LARGE1: variants seen among roughly 807,000 people sequenced by gnomAD.
LARGE1 encodes the protein LARGE xylosyl- and glucuronyltransferase 1.
In LARGE1, 43 loss-of-function variants were observed where a neutral mutation model predicts 87.6. The ratio of observed to expected loss-of-function variants is 0.49; its 90% confidence interval spans 0.38 to 0.63. LARGE1 has a LOEUF of 0.63. Ranked by LOEUF, LARGE1 falls within the 30% of genes least tolerant of loss-of-function variation. LARGE1 has a pLI of 0.00. For synonymous variants in LARGE1, 434 were observed against 394.6 expected, an observed-to-expected ratio of 1.10 and a Z score of -1.18; for missense variants, 802 against 1,000.2, an observed-to-expected ratio of 0.80 and a Z score of 2.67.
chr22:33,278,401 T>G (rs1602207377), intron 13 of LARGE1, among the ~76,000 whole-genome samples: 1 of 152,312 alleles, frequency 6.6e-6, no homozygotes, highest in South Asian at 2.1e-4. Flanking sequence ...CCCTAGAGAC[T>G]GTGAGATCAC....
chr22:33,731,417 T>A (rs993442743), intron 2 of LARGE1, among the ~76,000 whole-genome samples: 1 of 152,192 alleles, frequency 6.6e-6, no homozygotes. Flanking sequence ...CTAGTTGTAT[T>A]CGTCAGAGCT....
intron 5 of LARGE1, among the ~76,000 whole-genome samples, chr22:33,570,669 A>C (rs1255697764): frequency 3.2e-5 from 4 of 125,616 alleles, no homozygotes; most frequent in Non-Finnish European, 6.9e-5. Flanking sequence ...AAAAAAAAAA[A>C]ATCACAAGCT....
chr22:33,235,591 G>T (rs921688768), intron 11 of LARGE1, among the ~76,000 whole-genome samples: 1 of 152,182 alleles, frequency 6.6e-6, no homozygotes, highest in Admixed American at 6.5e-5. Flanking sequence ...GGCAAGTGAT[G>T]GTAGCTGTTA....
chr22:33,537,813 C>A (rs1267145101), intron 6 of LARGE1, among the ~76,000 whole-genome samples: 1 of 152,200 alleles, frequency 6.6e-6, no homozygotes, highest in Middle Eastern at 3.4e-3. Flanking sequence ...CCTCGTGATC[C>A]ACCCGCCTCG....
chr22:33,612,324 G>T (rs951644316), intron 4 of LARGE1, among the ~76,000 whole-genome samples: 4 of 152,128 alleles, frequency 2.6e-5, no homozygotes, highest in Admixed American at 6.5e-5. Flanking sequence ...GGCTGGTCTT[G>T]AACTCTTGAC....
chr22:33,599,443 G>A (rs2079060406), intron 5 of LARGE1, among the ~76,000 whole-genome samples: 1 of 152,148 alleles, frequency 6.6e-6, no homozygotes, highest in African/African-American at 2.4e-5. Flanking sequence ...AGTCCTGGTA[G>A]CCTGTTGGTA....
chr22:33,322,099 A>G (rs552168249), intron 10 of LARGE1, among the ~76,000 whole-genome samples: 1 of 152,180 alleles, frequency 6.6e-6, no homozygotes, highest in Non-Finnish European at 1.5e-5. Context: ...GATTACGGGC[A>G]TGAGCTACTG....
downstream of LARGE1, among the ~76,000 whole-genome samples, chr22:33,270,178 T>C (rs1928171207): frequency 6.6e-6 from 1 of 152,166 alleles, no homozygotes; most frequent in Non-Finnish European, 1.5e-5. Context: ...TTTTGTTAAA[T>C]GAATGGAAAC....
At chr22:33,581,124 C>T (rs1170343331) in intron 5 of LARGE1, among the ~76,000 whole-genome samples, 1 of 152,126 alleles carries the variant, frequency 6.6e-6, no homozygotes, top group East Asian at 1.9e-4. Flanking sequence ...GGGATTCATA[C>T]CTCTATTTTA....
chr22:33,577,263 C>T (rs750420708), intron 5 of LARGE1, among the ~76,000 whole-genome samples: 1 of 152,070 alleles, frequency 6.6e-6, no homozygotes, highest in South Asian at 2.1e-4. Flanking sequence ...TAAAAAGGCA[C>T]ATAGGAGAGG....
intron 1 of LARGE1, among the ~76,000 whole-genome samples, chr22:33,844,867 C>T (rs1007030897): frequency 3.2e-4 from 49 of 151,680 alleles, no homozygotes; most frequent in South Asian, 1.5e-3. Flanking sequence ...ATTACAGGCA[C>T]GCACCACCAT....
At chr22:33,849,413 T>C (rs2253085) in intron 1 of LARGE1, among the ~76,000 whole-genome samples, 60,680 of 151,642 alleles carry the variant, frequency 0.4, 12,217 homozygotes, top group Admixed American at 0.51. Flanking sequence ...ACGAATGCTA[T>C]AGGGTGAGGG....
intron 1 of LARGE1, among the ~76,000 whole-genome samples, chr22:33,910,418 C>T (rs112279893): frequency 1.5e-4 from 23 of 152,124 alleles, no homozygotes; most frequent in African/African-American, 5.6e-4. Context: ...TTTGGTGACG[C>T]CTCCTCCTAC....
intron 1 of LARGE1, among the ~76,000 whole-genome samples, chr22:33,849,918 C>T (rs986279491): frequency 6.6e-6 from 1 of 152,044 alleles, no homozygotes; most frequent in African/African-American, 2.4e-5. Context: ...GTTCTTATTA[C>T]AATACTAAGG....
intron 9 of LARGE1, among the ~76,000 whole-genome samples, chr22:33,370,355 T>A (rs1370571482): frequency 6.6e-6 from 1 of 152,200 alleles, no homozygotes; most frequent in African/African-American, 2.4e-5. Flanking sequence ...AGATTTTGTT[T>A]TTCTTATACA....
At chr22:33,226,913 TAG>T (rs2088535426) in intron 11 of LARGE1, among the ~76,000 whole-genome samples, 1 of 152,056 alleles carries the variant, frequency 6.6e-6, no homozygotes, top group Non-Finnish European at 1.5e-5. Flanking sequence ...GTATTTTTAG[TAG>T]AGACGGGGTT....
intron 5 of LARGE1, among the ~76,000 whole-genome samples, chr22:33,569,662 C>T (rs1381746749): frequency 6.6e-6 from 1 of 152,160 alleles, no homozygotes; most frequent in African/African-American, 2.4e-5. Context: ...CATCCACATT[C>T]TCCCCCTCTT....
At chr22:33,788,535 G>A (rs533195111) in intron 1 of LARGE1, among the ~76,000 whole-genome samples, 2 of 152,302 alleles carry the variant, frequency 1.3e-5, no homozygotes, top group African/African-American at 4.8e-5. Context: ...GGAAGATGTG[G>A]GAAGTTTTGA....
chr22:33,915,050 G>GAC, intron 1 of LARGE1, among the ~76,000 whole-genome samples: 1 of 148,898 alleles, frequency 6.7e-6, no homozygotes, highest in Non-Finnish European at 1.5e-5. Flanking sequence ...CACAGAGAGA[G>GAC]AGAGAGAGAG....
Sources: allele counts gnomAD v4.1 joint callset (sites outside exome capture counted in the v4.1 genomes callset), GRCh38; gene constraint gnomAD v4.1.1; transcripts MANE v1.5; gene names NCBI Gene and HGNC (gene_info 2026-07-23, HGNC 2026-07-21).